The following SPMIP2 variants were observed in gnomAD, a reference collection of about 807,000 sequenced individuals.
SPMIP2 encodes sperm microtubule inner protein 2.
chr4:159,042,992 A>G, the SPMIP2 span, among the ~76,000 whole-genome samples: 1 of 151,582 alleles, frequency 6.6e-6, no homozygotes, highest in Non-Finnish European at 1.5e-5. Context: ...AAACTCCTCT[A>G]CTCTGACCCC....
At chr4:158,928,125 G>A in the SPMIP2 span, among the ~76,000 whole-genome samples, 38 of 152,366 alleles carry the variant, frequency 2.5e-4, no homozygotes, top group Middle Eastern at 3.4e-3. Context: ...TCCACCTGCA[G>A]CACAGGTGTG....
At chr4:158,977,812 CA>C in the SPMIP2 span, among the ~76,000 whole-genome samples, 1 of 151,986 alleles carries the variant, frequency 6.6e-6, no homozygotes, top group Non-Finnish European at 1.5e-5. Context: ...GACGGGGTTT[CA>C]CTGTGTTAGC....
At chr4:158,991,958 C>T in the SPMIP2 span, among the ~76,000 whole-genome samples, 1 of 152,152 alleles carries the variant, frequency 6.6e-6, no homozygotes, top group African/African-American at 2.4e-5. Context: ...GTGATGCAAT[C>T]CTAGCTCACT....
At chr4:158,920,538 T>C in the SPMIP2 span, among the ~76,000 whole-genome samples, 1 of 152,204 alleles carries the variant, frequency 6.6e-6, no homozygotes, top group African/African-American at 2.4e-5. Flanking sequence ...GTCTGTCTTA[T>C]GCGGTTGAGA....
At chr4:159,037,785 TAC>T in the SPMIP2 span, among the ~76,000 whole-genome samples, 1,737 of 118,964 alleles carry the variant, frequency 0.015, 14 homozygotes, top group African/African-American at 0.027. Context: ...AAACAATATA[TAC>T]ACACACACAC....
chr4:159,056,020 C>G, the SPMIP2 span, among the ~76,000 whole-genome samples: 1 of 152,164 alleles, frequency 6.6e-6, no homozygotes, highest in Non-Finnish European at 1.5e-5. Context: ...AGCTTCAGAC[C>G]TTACCATGCT....
chr4:158,964,406 G>A, the SPMIP2 span, among the ~76,000 whole-genome samples: 1 of 152,194 alleles, frequency 6.6e-6, no homozygotes, highest in African/African-American at 2.4e-5. Flanking sequence ...GGAGATCTGA[G>A]TGGAGAGCCC....
chr4:158,998,990 T>A, the SPMIP2 span, among the ~76,000 whole-genome samples: 1 of 152,002 alleles, frequency 6.6e-6, no homozygotes, highest in Admixed American at 6.6e-5. Flanking sequence ...TGAGCCCCTG[T>A]CTCTACAAAA....
At chr4:159,020,891 AG>A in the SPMIP2 span, among the ~76,000 whole-genome samples, 1 of 152,070 alleles carries the variant, frequency 6.6e-6, no homozygotes, top group Non-Finnish European at 1.5e-5. Context: ...CCTCCCGAGT[AG>A]CTGGGACTAC....
At chr4:158,986,551 A>T in the SPMIP2 span, among the ~76,000 whole-genome samples, 1,722 of 152,158 alleles carry the variant, frequency 0.011, 28 homozygotes, top group African/African-American at 0.039. Context: ...TATTTAATAA[A>T]TGGTGCTGGG....
the SPMIP2 span, among the ~76,000 whole-genome samples, chr4:158,984,166 A>T: frequency 1.4e-5 from 1 of 71,756 alleles, no homozygotes; most frequent in African/African-American, 4.8e-5. Context: ...TGACCTACAA[A>T]GAGACTTAGA....
the SPMIP2 span, among the ~76,000 whole-genome samples, chr4:159,017,562 C>T: frequency 3.9e-5 from 6 of 152,198 alleles, no homozygotes; most frequent in East Asian, 1.2e-3. Context: ...TCCCACCCCA[C>T]CTAACACGAT....
the SPMIP2 span, among the ~76,000 whole-genome samples, chr4:159,024,544 C>CG: frequency 6.6e-6 from 1 of 152,030 alleles, no homozygotes; most frequent in South Asian, 2.1e-4. Flanking sequence ...GAAAGGGAAA[C>CG]GGACTCAAGG....
At chr4:158,927,988 C>T in the SPMIP2 span, among the ~76,000 whole-genome samples, 2 of 152,358 alleles carry the variant, frequency 1.3e-5, no homozygotes, top group East Asian at 3.9e-4. Context: ...CTTCCCACCC[C>T]CTCTGTGGGC....
At chr4:159,041,153 T>C in the SPMIP2 span, among the ~76,000 whole-genome samples, 1 of 152,226 alleles carries the variant, frequency 6.6e-6, no homozygotes, top group Non-Finnish European at 1.5e-5. Context: ...TCTGTAGTCT[T>C]CCTCTGGCTC....
chr4:159,061,814 T>TAAAA, the SPMIP2 span, among the ~76,000 whole-genome samples: 2 of 138,990 alleles, frequency 1.4e-5, no homozygotes, highest in Non-Finnish European at 3.1e-5. Flanking sequence ...CAGTCTCAAT[T>TAAAA]AAAAAAAAAA....
chr4:158,919,863 C>A, the SPMIP2 span, among the ~76,000 whole-genome samples: 1 of 152,170 alleles, frequency 6.6e-6, no homozygotes, highest in Non-Finnish European at 1.5e-5. Flanking sequence ...TCTTTATACA[C>A]TTCCTTATGT....
the SPMIP2 span, among the ~76,000 whole-genome samples, chr4:158,999,046 C>T: frequency 6.6e-6 from 1 of 151,924 alleles, no homozygotes; most frequent in Non-Finnish European, 1.5e-5. Flanking sequence ...CACCTGTGGT[C>T]CCAGCTACTT....
At chr4:158,902,070 T>C in the SPMIP2 span, among the ~76,000 whole-genome samples, 1 of 152,102 alleles carries the variant, frequency 6.6e-6, no homozygotes, top group Non-Finnish European at 1.5e-5. Context: ...GAGAGCATTC[T>C]GGTTTTTTGA....
Sources: allele counts gnomAD v4.1 joint callset (sites outside exome capture counted in the v4.1 genomes callset), GRCh38; gene constraint gnomAD v4.1.1; transcripts MANE v1.5; gene names NCBI Gene and HGNC (gene_info 2026-07-23, HGNC 2026-07-21).